The following PRDM16 variants were observed in gnomAD, a reference collection of about 807,000 sequenced individuals.
The protein encoded by PRDM16 is histone-lysine N-methyltransferase PRDM16.
A neutral mutation model predicts 110.6 loss-of-function variants in PRDM16; 23 were observed. That is an observed-to-expected ratio of 0.21 (90% CI 0.15 to 0.29). PRDM16 has a LOEUF of 0.29. Among genes scored for constraint, PRDM16 ranks in the 10% least tolerant of loss-of-function variants. The pLI is 1.00. For synonymous variants in PRDM16, 799 were observed against 781.8 expected (o/e 1.02, Z -0.37); for missense variants, 1,615 against 1,794.3 (o/e 0.90, Z 1.81).
chr1:3,321,710 G>A (rs1014620017), intron 3 of PRDM16, among the ~76,000 whole-genome samples: 1 of 150,774 alleles, frequency 6.6e-6, no homozygotes, highest in African/African-American at 2.4e-5. Context: ...CTTTGTGTGG[G>A]TGTACATGTG....
intron 3 of PRDM16, among the ~76,000 whole-genome samples, chr1:3,319,500 G>T (rs1641691026): frequency 6.6e-6 from 1 of 152,152 alleles, no homozygotes; most frequent in Admixed American, 6.5e-5. Context: ...GAAGCCTGAG[G>T]CCATCAGACC....
intron 1 of PRDM16, among the ~76,000 whole-genome samples, chr1:3,141,671 G>A (rs1256167550): frequency 8.5e-5 from 13 of 152,330 alleles, no homozygotes; most frequent in South Asian, 8.3e-4. Flanking sequence ...ACAGTGGCTC[G>A]TTAAGGAGAT....
At chr1:3,079,012 A>G (rs540116710) in intron 1 of PRDM16, among the ~76,000 whole-genome samples, 2 of 152,240 alleles carry the variant, frequency 1.3e-5, no homozygotes, top group African/African-American at 4.8e-5. Context: ...TCACCGGAGG[A>G]GCCCAAACGG....
chr1:3,291,677 G>A (rs1055084212), intron 3 of PRDM16, among the ~76,000 whole-genome samples: 1 of 152,244 alleles, frequency 6.6e-6, no homozygotes, highest in Non-Finnish European at 1.5e-5. Flanking sequence ...TGAAGCACCC[G>A]TGTTGGGTCA....
chr1:3,423,065 A>G (rs1638485547), intron 12 of PRDM16, among the ~76,000 whole-genome samples: 1 of 152,214 alleles, frequency 6.6e-6, no homozygotes, highest in Non-Finnish European at 1.5e-5. Context: ...GGCCTCCGGC[A>G]AAGGTTGGAA....
intron 3 of PRDM16, among the ~76,000 whole-genome samples, chr1:3,383,654 G>A (rs1643144362): frequency 6.6e-6 from 1 of 151,892 alleles, no homozygotes; most frequent in South Asian, 2.1e-4. Context: ...CTGAGGGTCA[G>A]CCAGCACCAG....
intron 2 of PRDM16, among the ~76,000 whole-genome samples, chr1:3,220,690 C>T (rs981877272): frequency 3.3e-5 from 5 of 152,168 alleles, no homozygotes; most frequent in African/African-American, 1.2e-4. Flanking sequence ...TCCTGGGTGT[C>T]ACTGGGAGAA....
chr1:3,404,348 C>G (rs1162327192), intron 6 of PRDM16, among the ~76,000 whole-genome samples: 1 of 152,238 alleles, frequency 6.6e-6, no homozygotes, highest in African/African-American at 2.4e-5. Context: ...GTTTGGGGGA[C>G]TTGCCCCACT....
intron 14 of PRDM16, among the ~76,000 whole-genome samples, chr1:3,426,443 G>A (rs1277794618): frequency 1.3e-5 from 2 of 152,094 alleles, no homozygotes; most frequent in Non-Finnish European, 2.9e-5. Flanking sequence ...AGTCATGAGA[G>A]TAAGCACCCC....
At chr1:3,132,645 T>C (rs983317919) in intron 1 of PRDM16, among the ~76,000 whole-genome samples, 9 of 152,246 alleles carry the variant, frequency 5.9e-5, no homozygotes, top group Admixed American at 2.0e-4. Flanking sequence ...CAGAATGTTC[T>C]AGAGCCACCC....
At chr1:3,158,701 CTCTT>C (rs748206069) in intron 1 of PRDM16, among the ~76,000 whole-genome samples, 54 of 148,352 alleles carry the variant, frequency 3.6e-4, no homozygotes, top group African/African-American at 1.1e-3. Flanking sequence ...CTCTTTTTTT[CTCTT>C]TCTTTCTTTC....
intron 15 of PRDM16, among the ~76,000 whole-genome samples, 176 bp downstream of exon 15, chr1:3,431,284 G>C (rs1191693447): frequency 6.6e-6 from 1 of 152,218 alleles, no homozygotes; most frequent in Non-Finnish European, 1.5e-5. Flanking sequence ...AGGGGCAACG[G>C]GGTCAGGGGC....
chr1:3,312,267 G>A (rs1261540072), intron 3 of PRDM16, among the ~76,000 whole-genome samples: 4 of 152,226 alleles, frequency 2.6e-5, no homozygotes, highest in African/African-American at 7.2e-5. Context: ...TTATTCCCAC[G>A]CTCATCCTCT....
At position 3,431,970 on chromosome 1, in the gene PRDM16, G is replaced by T; in HGVS notation, c.3526G>T (p.Ala1176Ser). 6.2e-7 allele frequency: 1 copy of T among 1,613,020 alleles called. No homozygotes were observed. The highest frequency in any genetic ancestry group is 1.3e-5 in the African/African-American group (1 of 75,030). Reference protein sequence around the residue: ...AVGFDHTRRCAEDHEGGLLAL... With the variant: ...AVGFDHTRRCSEDHEGGLLAL... ...TCTCCCCGGTCATTGGTGCAGGTGT[G>T]CTGAGGACCACGAAGGCGGTCTGTT... The change falls in exon 16 of 17, where the codon GCT becomes TCT. Residue 1176 changes from alanine (A) to serine (S), a missense_variant. Around this residue, in one of 5 missense-constraint regions of PRDM16, gnomAD observed 327 missense variants for 359.3 expected, o/e 0.91. Transcript: ENST00000270722.
intron 1 of PRDM16, among the ~76,000 whole-genome samples, chr1:3,166,920 T>A (rs1643963989): frequency 6.6e-6 from 1 of 152,194 alleles, no homozygotes; most frequent in East Asian, 1.9e-4. Flanking sequence ...TTTCTCCTGC[T>A]GCATAGATGC....
In PRDM16 at chr1:3,080,707, C is replaced by A. The variant is rs565345068; in HGVS notation, c.37+11411C>A. On this transcript the variant is annotated intron_variant, in intron 1 of 16. Coordinates refer to ENST00000270722, the MANE Select transcript of PRDM16 (RefSeq NM_022114.4). The surrounding 1 kb of genome is among the most constrained non-coding windows in gnomAD (Gnocchi z 5.2). ...TGAGCAAAGCCAGCTTGCTCTCCCC[C>A]TCGGACCGGGCAACTGCTCCTGGAT... 1.3e-5 allele frequency among the ~76,000 whole-genome samples: 2 copies of A among 152,184 alleles called. No homozygotes were observed. The highest frequency in any genetic ancestry group is 2.4e-5 in the African/African-American group (1 of 41,448).
intron 3 of PRDM16, among the ~76,000 whole-genome samples, chr1:3,321,988 ATGTGTGTGTGAGTGCGTACGTT>A (rs1557606816): frequency 6.7e-6 from 1 of 148,890 alleles, no homozygotes; most frequent in African/African-American, 2.5e-5. Flanking sequence ...GTGGGGGTGC[ATGTGTGTGTGAGTGCGTACGTT>A]TGTGTGTGAG....
chr1:3,431,360 T>C (rs1638764608), intron 15 of PRDM16, among the ~76,000 whole-genome samples: 2 of 138,154 alleles, frequency 1.4e-5, no homozygotes, highest in Admixed American at 1.5e-4. Flanking sequence ...GGGGAAGGCA[T>C]TTCCCTGCAC....
intron 2 of PRDM16, among the ~76,000 whole-genome samples, chr1:3,227,515 G>A (rs529447238): frequency 2.0e-5 from 3 of 152,364 alleles, no homozygotes; most frequent in East Asian, 1.9e-4. Context: ...TAAGGCCGGC[G>A]GGACCGTGAC....
Sources: gnomAD v4.1 joint callset for allele counts (sites outside exome capture counted in the v4.1 genomes callset) on GRCh38, gnomAD v4.1.1 for gene constraint, gnomAD v4.1.1 regional missense constraint, Gnocchi (gnomAD v3.1) non-coding constraint, MANE v1.5 for transcripts, NCBI Gene and HGNC (gene_info 2026-07-23, HGNC 2026-07-21) for gene names.